Variants in LCK observed in about 807,000 individuals in gnomAD.
The protein encoded by LCK is LCK proto-oncogene, Src family tyrosine kinase, also known as tyrosine-protein kinase Lck.
LCK carries 14 observed loss-of-function variants against 64.6 expected under a neutral mutation model. The ratio of observed to expected loss-of-function variants is 0.22; its 90% confidence interval spans 0.14 to 0.34. The LOEUF is 0.34. Among genes scored for constraint, LCK ranks in the 10% least tolerant of loss-of-function variants. LCK has a pLI of 1.00. For synonymous variants in LCK, 277 were observed against 263.6 expected, an observed-to-expected ratio of 1.05 and a Z score of -0.49; for missense variants, 434 against 668.1, an observed-to-expected ratio of 0.65 and a Z score of 3.86.
At chr1:32,278,153 T>C (rs1341965744) in intron 9 of LCK, among the ~76,000 whole-genome samples, 2 of 152,050 alleles carry the variant, frequency 1.3e-5, no homozygotes, top group African/African-American at 2.4e-5. Context: ...CACTCCAACC[T>C]GGGTAACAGA....
intron 1 of LCK, among the ~76,000 whole-genome samples, chr1:32,259,626 T>TAA (rs150762270): frequency 9.2e-4 from 137 of 148,126 alleles, no homozygotes; most frequent in African/African-American, 3.4e-3. Context: ...TCTAAAAAAA[T>TAA]AAAAATAATA....
At chr1:32,267,145 T>C (rs886915960) in intron 1 of LCK, among the ~76,000 whole-genome samples, 5 of 151,894 alleles carry the variant, frequency 3.3e-5, no homozygotes, top group African/African-American at 1.2e-4. Flanking sequence ...CTGGGGGCTC[T>C]TGTTGCTAAT....
intron 1 of LCK, among the ~76,000 whole-genome samples, chr1:32,271,001 C>CA (rs1237612170): frequency 8.1e-6 from 1 of 123,386 alleles, no homozygotes; most frequent in South Asian, 2.6e-4. Flanking sequence ...CGCGCCTGGC[C>CA]TTTTTTTTTT....
At chr1:32,261,106 G>A (rs188077052) in intron 1 of LCK, among the ~76,000 whole-genome samples, 166 of 150,706 alleles carry the variant, frequency 1.1e-3, no homozygotes, top group Non-Finnish European at 2.2e-3. Context: ...GTCCCCTGTC[G>A]CCCAGACTGG....
intron 9 of LCK, among the ~76,000 whole-genome samples, chr1:32,279,251 G>T (rs889755399): frequency 6.6e-6 from 1 of 152,148 alleles, no homozygotes; most frequent in African/African-American, 2.4e-5. Flanking sequence ...AAGAAAAGTA[G>T]AATTTTTTTT....
chr1:32,281,292 C>A lies in LCK; in HGVS notation c.1327+1082C>A, dbSNP rs1440812177. ...CTACAAAAAAAAAAAAACAAACAAA[C>A]AAAAAAAACATTTAAAAATTAGCTG... On this transcript the variant is annotated intron_variant, in intron 12 of 12. Coordinates refer to ENST00000336890, the MANE Select transcript of LCK (RefSeq NM_005356.5). 2.4e-3 allele frequency among the ~76,000 whole-genome samples: 337 copies of A among 142,814 alleles called. 1 individual carries two copies. Among genetic ancestry groups the A allele is most frequent in the South Asian group, 0.011 (50 of 4,506 alleles). The allele number at this position is 142,814 out of a possible 152,430, so 93.7% of individuals were successfully genotyped here. A position where few individuals can be genotyped will look rare whatever the true frequency, so the allele number is the denominator to read the frequency against.
At chr1:32,266,028 C>T (rs182177035) in intron 1 of LCK, among the ~76,000 whole-genome samples, 4 of 152,148 alleles carry the variant, frequency 2.6e-5, no homozygotes, top group South Asian at 4.1e-4. Flanking sequence ...GGCGTGTTCA[C>T]GGCTCACTGC....
intron 1 of LCK, among the ~76,000 whole-genome samples, chr1:32,259,634 AT>A (rs199679930): frequency 1.4e-4 from 21 of 149,460 alleles, no homozygotes; most frequent in African/African-American, 4.5e-4. Context: ...AATAAAAATA[AT>A]AATAATAATA....
intron 1 of LCK, among the ~76,000 whole-genome samples, chr1:32,254,224 A>G (rs1358143942): frequency 6.6e-6 from 1 of 152,148 alleles, no homozygotes; most frequent in Admixed American, 6.5e-5. Flanking sequence ...TTCTGTCTCT[A>G]AAAAATAAAC....
At chr1:32,258,732 A>C (rs2124309626) in intron 1 of LCK, among the ~76,000 whole-genome samples, 1 of 138,060 alleles carries the variant, frequency 7.2e-6, no homozygotes, top group Admixed American at 7.8e-5. Flanking sequence ...TGAACCTGGG[A>C]GGTGGAGGTT....
rs918728109 is a variant in LCK, at chr1:32,285,857, C to T, written c.*141C>T. 1.2e-6 allele frequency: 1 copy of T among 820,012 alleles called. No homozygotes were observed. 50.8% of individuals were successfully genotyped at this position (820,012 alleles called of 1,614,324 possible). A position where few individuals can be genotyped will look rare whatever the true frequency, so the allele number is the denominator to read the frequency against. ...CCACCCACATGTGACACATATGCAC[C>T]TTGTGTCTGTACACGTGTCCTGTAG... On this transcript the variant is annotated 3_prime_UTR_variant, in exon 13 of 13. Coordinates refer to ENST00000336890, the MANE Select transcript of LCK (RefSeq NM_005356.5).
At chr1:32,281,693 G>A (rs915065283) in intron 12 of LCK, among the ~76,000 whole-genome samples, 2 of 151,998 alleles carry the variant, frequency 1.3e-5, no homozygotes, top group South Asian at 2.1e-4. Context: ...GGGGTCATGC[G>A]GCACAGTGGC....
rs760965559 is a variant in LCK at position 32,255,616 on chromosome 1, T to C, written c.-6+4245T>C. On this transcript the variant is annotated intron_variant, in intron 1 of 12. Coordinates refer to ENST00000336890, the MANE Select transcript of LCK (RefSeq NM_005356.5). ...GCCATGTTGTCGGCAGTCACAGATA[T>C]TATTGATCAGTGAGCTAACTACAAG... Among the ~76,000 whole-genome samples, 29 of 152,208 alleles carry C rather than the reference T, an allele frequency of 1.9e-4. No homozygotes were observed. The East Asian group carries it at 3.9e-3, about 20-fold the overall frequency.
intron 1 of LCK, among the ~76,000 whole-genome samples, chr1:32,260,406 G>A (rs1337077822): frequency 2.0e-5 from 3 of 152,068 alleles, no homozygotes; most frequent in Non-Finnish European, 4.4e-5. Flanking sequence ...TCGGCCCTAG[G>A]ATTACAGGCG....
chr1:32,267,488 C>A (rs530009359), intron 1 of LCK, among the ~76,000 whole-genome samples: 6 of 152,184 alleles, frequency 3.9e-5, no homozygotes, highest in African/African-American at 1.4e-4. Flanking sequence ...GAGCTGGGCA[C>A]GGTGGCTCAC....
rs983590161 is a variant in LCK at position 32,271,135 on chromosome 1, G to A, written c.-5-3190G>A. 2.0e-5 allele frequency among the ~76,000 whole-genome samples: 3 copies of A among 151,782 alleles called. No homozygotes were observed. The East Asian group carries it at 5.8e-4, about 29-fold the overall frequency. On this transcript the variant is annotated intron_variant, in intron 1 of 12. Coordinates refer to ENST00000336890, the MANE Select transcript of LCK (RefSeq NM_005356.5). ...TTTGCCTCAGCCTCCCAAGTAGCTG[G>A]AACTACAGGCATGCCCCATCACACC...
chr1:32,265,250 G>C (rs183914725), intron 1 of LCK, among the ~76,000 whole-genome samples: 7 of 152,090 alleles, frequency 4.6e-5, no homozygotes, highest in Admixed American at 3.9e-4. Flanking sequence ...AATACAATTT[G>C]TCAAAACAAG....
chr1:32,276,231 C>A lies in LCK; in HGVS notation c.632-106C>A. The A allele has an allele frequency of 2.0e-6, 3 of 1,477,706 alleles. No homozygotes were observed. The highest frequency in any genetic ancestry group is 4.7e-5 in the East Asian group (2 of 42,608). 91.5% of individuals were successfully genotyped at this position (1,477,706 alleles called of 1,614,324 possible). On this transcript the variant is annotated intron_variant, in intron 7 of 12. Coordinates refer to ENST00000336890, the MANE Select transcript of LCK (RefSeq NM_005356.5). The surrounding 1 kb of genome is among the most constrained non-coding windows in gnomAD (Gnocchi z 4.6). Reference sequence around the variant, plus strand: ...TGTTTGGGTGACAGCCCCACACCCCCTTGCTAGTCCACTTCACCTAGATGG... The same window carrying A: ...TGTTTGGGTGACAGCCCCACACCCCATTGCTAGTCCACTTCACCTAGATGG...
At chr1:32,272,627 G>GAGAGAGAGAGAGAA (rs1262982009) in intron 1 of LCK, among the ~76,000 whole-genome samples, 3,759 of 140,640 alleles carry the variant, frequency 0.027, 63 homozygotes, top group Middle Eastern at 0.044. Flanking sequence ...GAGAGAAAGA[G>GAGAGAGAGAGAGAA]AGAGAGAGAG....
Sources: gnomAD v4.1 joint callset for allele counts (sites outside exome capture counted in the v4.1 genomes callset) on GRCh38, gnomAD v4.1.1 for gene constraint, Gnocchi (gnomAD v3.1) non-coding constraint, MANE v1.5 for transcripts, NCBI Gene and HGNC (gene_info 2026-07-23, HGNC 2026-07-21) for gene names.